The following TFPT variants were observed in gnomAD, a reference collection of about 807,000 sequenced individuals.
TFPT encodes INO80 complex subunit F.
A neutral mutation model predicts 28.8 loss-of-function variants in TFPT; 27 were observed. That is an observed-to-expected ratio of 0.94 (90% CI 0.69 to 1.29). The LOEUF is 1.29. Ranked by LOEUF, TFPT falls within the 50% of genes most tolerant of loss-of-function variation. The probability of loss-of-function intolerance (pLI) is 0.00; values close to 1 mark genes in which losing one functional copy is unlikely to be tolerated. For synonymous variants in TFPT, 152 were observed against 142.8 expected (o/e 1.06, Z -0.46); for missense variants, 330 against 338.0 (o/e 0.98, Z 0.19).
intron 2 of TFPT, among the ~76,000 whole-genome samples, 176 bp downstream of exon 2, chr19:54,114,266 C>T (rs1356365634): frequency 6.6e-6 from 1 of 152,208 alleles, no homozygotes; most frequent in Non-Finnish European, 1.5e-5. Flanking sequence ...ATGGCCCTTC[C>T]AGGGGCCCGG....
At chr19:54,109,875 C>A (rs2073400122) in intron 3 of TFPT, among the ~76,000 whole-genome samples, 176 bp downstream of exon 3, 1 of 151,696 alleles carries the variant, frequency 6.6e-6, no homozygotes. Flanking sequence ...TCAGCCCTCT[C>A]CTCCAACACC....
chr19:54,112,090 A>AC (rs1200052890), intron 2 of TFPT, among the ~76,000 whole-genome samples: 1 of 151,972 alleles, frequency 6.6e-6, no homozygotes, highest in Non-Finnish European at 1.5e-5. Context: ...ACAGAGTGAG[A>AC]CCCCAACACT....
At position 54,114,959 on chromosome 19, in the gene TFPT, A is replaced by G; in HGVS notation, c.24-259T>C. 9.1e-6 allele frequency: 6 copies of G among 657,566 alleles called. No homozygotes were observed. The South Asian group carries it at 1.2e-4, about 14-fold the overall frequency. 40.7% of individuals were successfully genotyped at this position (657,566 alleles called of 1,614,324 possible). On this transcript the variant is annotated intron_variant, in intron 1 of 5. Transcript: ENST00000391759. Reference sequence around the variant, plus strand: ...CTCCTCCCAGGATGCAAGAGTCCAGACCTCCAGACTTTTTCTCTCCAAGGA... The same window carrying G: ...CTCCTCCCAGGATGCAAGAGTCCAGGCCTCCAGACTTTTTCTCTCCAAGGA...
At chr19:54,111,779 G>A (rs2073463180) in intron 2 of TFPT, among the ~76,000 whole-genome samples, 2 of 151,656 alleles carry the variant, frequency 1.3e-5, no homozygotes, top group South Asian at 4.2e-4. Flanking sequence ...GAGGTCAGGA[G>A]TTTGAGACCA....
At chr19:54,115,186 C>T (rs780841163) in intron 1 of TFPT, 61 bp downstream of exon 1, 5 of 1,608,904 alleles carry the variant, frequency 3.1e-6, no homozygotes, top group Non-Finnish European at 4.3e-6. Context: ...TATGGTTGCA[C>T]ACAATGCAGC....
intron 2 of TFPT, among the ~76,000 whole-genome samples, chr19:54,111,557 G>A (rs2073455555): frequency 1.3e-5 from 2 of 151,352 alleles, no homozygotes; most frequent in South Asian, 4.2e-4. Context: ...GCGCATGCCT[G>A]TAATCCCAGT....
chr19:54,111,411 C>T lies in TFPT; in HGVS notation c.283-1290G>A, dbSNP rs185389426. Among the ~76,000 whole-genome samples the T allele has an allele frequency of 2.0e-5, 3 of 150,648 alleles. No homozygotes were observed. In the East Asian group the frequency reaches 5.9e-4, roughly 29 times the overall value. On this transcript the variant is annotated intron_variant, in intron 2 of 5. Coordinates refer to ENST00000391759, the MANE Select transcript of TFPT (RefSeq NM_013342.4). ...TACAAAAATTGGCCGGATGTTGTGG[C>T]ACATGCCTGTAATCTCAGCTACTCA...
intron 2 of TFPT, among the ~76,000 whole-genome samples, chr19:54,110,755 C>T (rs587743616): frequency 3.9e-5 from 6 of 152,102 alleles, no homozygotes; most frequent in African/African-American, 1.4e-4. Context: ...GAACCCCACC[C>T]GGCCATTCAC....
intron 3 of TFPT, among the ~76,000 whole-genome samples, chr19:54,109,558 G>A (rs2073382897): frequency 6.6e-6 from 1 of 152,142 alleles, no homozygotes; most frequent in Admixed American, 6.5e-5. Context: ...AGCCACCTGG[G>A]CAGGTTCTGT....
chr19:54,112,821 G>A (rs1186955949), intron 2 of TFPT, among the ~76,000 whole-genome samples: 1 of 151,932 alleles, frequency 6.6e-6, no homozygotes, highest in Non-Finnish European at 1.5e-5. Context: ...GGCCAGGCGT[G>A]GTGGCTCAAG....
intron 5 of TFPT, 78 bp from the exon 6 acceptor site, chr19:54,107,247 ATT>A: frequency 6.4e-7 from 1 of 1,565,224 alleles, no homozygotes; most frequent in Non-Finnish European, 8.6e-7. Flanking sequence ...TTTTGTTTTC[ATT>A]TTGTTTTGCT....
rs762910213 is a variant in TFPT at position 54,108,163 on chromosome 19, G to A, written c.505C>T (p.Pro169Ser). ...EPPEKETLSP[P>S]RRTPAPPEPG... ...TCTGGGGGTGCAGGAGTCCTTCTGG[G>A]CGGGGACAGTGTCTCTTTCTCTGGA... Residue 169 changes from proline (P) to serine (S), a missense_variant, in exon 5 of 6, where the codon CCC becomes TCC. Physicochemically the swap from Pro to Ser is moderately conservative, Grantham distance 74. Coordinates refer to ENST00000391759, the MANE Select transcript of TFPT (RefSeq NM_013342.4). 1 of 1,592,334 alleles carries A rather than the reference G, an allele frequency of 6.3e-7. No individual in the cohort carries two copies. The highest frequency in any genetic ancestry group is 1.3e-5 in the African/African-American group (1 of 74,568).
At chr19:54,108,000 T>C in intron 5 of TFPT, 26 bp downstream of exon 5, 16 of 1,511,982 alleles carry the variant, frequency 1.1e-5, no homozygotes, top group Non-Finnish European at 1.4e-5. Context: ...CCCCAGTCCC[T>C]CCCCTTGAGT....
Position 54,107,095 on chromosome 19 carries a change from G to T in TFPT, c.717C>A (p.Asp239Glu), listed in dbSNP as rs2073288783. The T allele has an allele frequency of 1.2e-6, 2 of 1,613,780 alleles. No individual in the cohort carries two copies. The highest frequency in any genetic ancestry group is 1.3e-5 in the African/African-American group (1 of 74,852). ...LDSSWVSRGP[D>E]KLLPYPTLAS... is the part of the protein sequence containing the mutation. ...CCAGGGTCGGGTAGGGCAGCAGTTT[G>T]TCTGGACCCCGAGAAACCCAACTGG... Residue 239 changes from aspartate to glutamate, a missense_variant, in exon 6 of 6, where the codon GAC becomes GAA. By Grantham distance (45) the Asp-to-Glu change is conservative. Transcript: ENST00000391759.
intron 3 of TFPT, 167 bp from the exon 4 acceptor site, chr19:54,108,562 G>T: frequency 6.2e-7 from 1 of 1,602,184 alleles, no homozygotes. Flanking sequence ...CCCTTGACCA[G>T]CCTTGAGACC....
Position 54,108,188 on chromosome 19 carries a change from A to C in TFPT, c.480T>G (p.Pro160=), listed in dbSNP as rs587745283. 6.9e-6 allele frequency: 11 copies of C among 1,597,140 alleles called. No individual in the cohort carries two copies. The highest frequency in any genetic ancestry group is 4.5e-5 in the South Asian group (4 of 89,060). Residue 160 remains proline (P), a synonymous_variant, in exon 5 of 6, where the codon CCT becomes CCG. Transcript: ENST00000391759. The part of the protein sequence containing the change: ...APTPGNAENE[P]PEKETLSPPR... Reference sequence around the variant, plus strand: ...GCGGGGACAGTGTCTCTTTCTCTGGAGGCTCATTCTCCGCATTGCCTGGGG... The same window carrying C: ...GCGGGGACAGTGTCTCTTTCTCTGGCGGCTCATTCTCCGCATTGCCTGGGG...
At position 54,110,079 on chromosome 19, in the gene TFPT, T is replaced by G; in HGVS notation, c.325A>C (p.Ile109Leu). The G allele has an allele frequency of 6.2e-7, 1 of 1,614,118 alleles. No individual in the cohort carries two copies. Among genetic ancestry groups the G allele is most frequent in the Non-Finnish European group, 8.5e-7 (1 of 1,180,012 alleles). ...VLNRLHQVQR[I>L]TRRLQQERRF... ...CGTTCCTGCTGCAGCCTCCGAGTTA[T>G]CCTCTGCACCTGATGGAGCCTGTTC... Residue 109 changes from isoleucine (I) to leucine (L), a missense_variant, in exon 3 of 6, where the codon ATA becomes CTA. Ile to Leu is a conservative substitution (Grantham distance 5). Coordinates refer to ENST00000391759, the MANE Select transcript of TFPT (RefSeq NM_013342.4).
Position 54,108,362 on chromosome 19 carries a change from A to G in TFPT, c.387T>C (p.Asp129=). ...TGGTGAACTGGCTGGCCCGGTAGTC[A>G]TCCCCGTAGGAGTCCAGCACTCTCA... ...FLMRVLDSYG[D]DYRASQFTIV... Residue 129 remains aspartate (D), a synonymous_variant, in exon 4 of 6, where the codon GAT becomes GAC. Transcript: ENST00000391759. 6.2e-7 allele frequency: 1 copy of G among 1,611,978 alleles called. No individual in the cohort carries two copies.
At chr19:54,114,914 A>G in intron 1 of TFPT, 1 of 728,892 alleles carries the variant, frequency 1.4e-6, no homozygotes, top group Non-Finnish European at 2.2e-6. Flanking sequence ...CAGCACCCAC[A>G]GGGTTCAAGC....
Sources: gnomAD v4.1 joint callset for allele counts (sites outside exome capture counted in the v4.1 genomes callset) on GRCh38, gnomAD v4.1.1 for gene constraint, MANE v1.5 for transcripts, NCBI Gene and HGNC (gene_info 2026-07-23, HGNC 2026-07-21) for gene names.